RICTOR: variants seen among roughly 807,000 people sequenced by gnomAD.
The protein encoded by RICTOR is RPTOR independent companion of MTOR complex 2, also known as rapamycin-insensitive companion of mTOR.
In RICTOR, 49 loss-of-function variants were observed where a neutral mutation model predicts 214.9. The observed-to-expected ratio is 0.23, with a 90% CI of 0.18 to 0.29. RICTOR has a LOEUF of 0.29. Among genes scored for constraint, RICTOR ranks in the 10% least tolerant of loss-of-function variants. The pLI is 1.00. For synonymous variants in RICTOR, 717 were observed against 711.3 expected, an observed-to-expected ratio of 1.01 and a Z score of -0.13; for missense variants, 1,625 against 2,047.0, an observed-to-expected ratio of 0.79 and a Z score of 3.98.
chr5:39,011,301 C>A (rs1754498169), intron 3 of RICTOR, among the ~76,000 whole-genome samples: 2 of 152,188 alleles, frequency 1.3e-5, no homozygotes, highest in South Asian at 4.1e-4. Flanking sequence ...TGGGAACCTC[C>A]ATCTAGATTT....
At chr5:38,952,553 G>GAA in intron 29 of RICTOR, 128 bp from the exon 30 acceptor site, 4 of 403,370 alleles carry the variant, frequency 9.9e-6, no homozygotes, top group East Asian at 4.1e-5. Flanking sequence ...TGCGTTTGTG[G>GAA]AAAAAAAAAA....
intron 3 of RICTOR, among the ~76,000 whole-genome samples, chr5:39,006,861 T>C (rs1422638113): frequency 1.3e-5 from 2 of 151,970 alleles, no homozygotes; most frequent in Non-Finnish European, 2.9e-5. Context: ...ACACTGCTGA[T>C]ATTACAATAC....
At chr5:38,977,810 C>T (rs1751370310) in intron 9 of RICTOR, among the ~76,000 whole-genome samples, 1 of 152,014 alleles carries the variant, frequency 6.6e-6, no homozygotes, top group African/African-American at 2.4e-5. Flanking sequence ...TGGTCTCAAA[C>T]TCCTGACCTC....
chr5:39,058,533 G>A lies in RICTOR; in HGVS notation c.97+15578C>T, dbSNP rs1758336580. Among the ~76,000 whole-genome samples, 3 of 151,866 alleles carry A rather than the reference G, an allele frequency of 2.0e-5. No homozygotes were observed. In the South Asian group the frequency reaches 6.2e-4, roughly 32 times the overall value. On this transcript the variant is annotated intron_variant, in intron 2 of 37. Coordinates refer to ENST00000357387, the MANE Select transcript of RICTOR (RefSeq NM_152756.5). ...CGGAGTGGTATAAGACAGTTCTAAT[G>A]GTTCATTTTGAACTCTTAAAATAGA...
chr5:38,967,311 G>A (rs1750320999), intron 13 of RICTOR, 26 bp downstream of exon 13: 3 of 1,598,584 alleles, frequency 1.9e-6, no homozygotes, highest in East Asian at 2.2e-5. Context: ...CTAATAAATT[G>A]AAACCCTTTT....
chr5:38,972,079 T>C (rs2150042667), intron 10 of RICTOR, 120 bp from the exon 11 acceptor site: 2 of 562,372 alleles, frequency 3.6e-6, no homozygotes, highest in South Asian at 5.0e-5. Context: ...TATGATACTA[T>C]TTGGTCATCA....
At chr5:39,019,775 T>C (rs75609058) in intron 3 of RICTOR, among the ~76,000 whole-genome samples, 7,470 of 152,234 alleles carry the variant, frequency 0.049, 345 homozygotes, top group African/African-American at 0.12. Context: ...ATTTTCAAGT[T>C]TTATTTTAAT....
At chr5:39,066,824 A>C (rs1758939359) in intron 2 of RICTOR, among the ~76,000 whole-genome samples, 2 of 152,224 alleles carry the variant, frequency 1.3e-5, no homozygotes, top group Admixed American at 1.3e-4. Flanking sequence ...AAGCATAATG[A>C]GGGTGACCTT....
At chr5:38,971,996 G>A (rs1200427177) in intron 10 of RICTOR, 37 bp from the exon 11 acceptor site, 3 of 928,432 alleles carry the variant, frequency 3.2e-6, no homozygotes, top group Non-Finnish European at 5.1e-6. Context: ...TCACTGACAT[G>A]AATTTCAAAA....
chr5:38,994,609 C>A (rs1345837444), intron 6 of RICTOR, among the ~76,000 whole-genome samples: 26 of 152,052 alleles, frequency 1.7e-4, no homozygotes. Context: ...TATCCCACCA[C>A]CAAATATCAG....
rs1217144098 is a variant in RICTOR at position 38,941,611 on chromosome 5, G to C, written c.*693C>G. ...AGAACTGTAGTGAAAAACCTTAATTGGTTCATATATCCTGTAATAACACAT... is the reference window on the plus strand; with the variant it reads ...AGAACTGTAGTGAAAAACCTTAATTCGTTCATATATCCTGTAATAACACAT... On this transcript the variant is annotated 3_prime_UTR_variant, in exon 38 of 38. Transcript: ENST00000357387. 2.6e-5 allele frequency: 6 copies of C among 231,512 alleles called. No individual in the cohort carries two copies. Among genetic ancestry groups the C allele is most frequent in the Non-Finnish European group, 5.1e-5 (6 of 116,942 alleles). The allele number at this position is 231,512 out of a possible 1,614,324, so 14.3% of individuals were successfully genotyped here.
chr5:38,950,613 T>C lies in RICTOR; in HGVS notation c.3235A>G (p.Ile1079Val). 1.9e-6 allele frequency: 3 copies of C among 1,613,282 alleles called. No homozygotes were observed. The highest frequency in any genetic ancestry group is 2.5e-6 in the Non-Finnish European group (3 of 1,179,442). Residue 1079 changes from isoleucine to valine, a missense_variant, in exon 31 of 38, where the codon ATA (isoleucine) becomes GTA (valine). Physicochemically the swap from Ile to Val is conservative, Grantham distance 29 (BLOSUM62 3). This residue lies in a region of RICTOR where 1,214 missense variants were observed against 1,470.5 expected (regional missense o/e 0.83). Transcript: ENST00000357387. ...AAAGGGAATGAATTTTTATCCTTTA[T>C]GGGTCCAGATCGGTCATAAAATGTT... is the stretch of plus-strand genomic sequence containing the variant. Reference protein sequence around the residue: ...EPTFYDRSGPIKDKNSFPFFA... With the variant: ...EPTFYDRSGPVKDKNSFPFFA...
chr5:38,942,402 C>T (rs2112778750), intron 37 of RICTOR, 24 bp from the exon 38 acceptor site: 1 of 1,465,368 alleles, frequency 6.8e-7, no homozygotes, highest in Non-Finnish European at 9.5e-7. Flanking sequence ...GGTGTATCAT[C>T]AATTACTTTT....
intron 32 of RICTOR, 31 bp downstream of exon 32, chr5:38,947,233 C>G: frequency 6.5e-7 from 1 of 1,527,606 alleles, no homozygotes; most frequent in Non-Finnish European, 9.0e-7. Context: ...GAAACCAACT[C>G]ATAGGAAAAC....
At chr5:39,053,888 C>T (rs1460489171) in intron 2 of RICTOR, among the ~76,000 whole-genome samples, 1 of 127,790 alleles carries the variant, frequency 7.8e-6, no homozygotes, top group Non-Finnish European at 1.7e-5. Flanking sequence ...GAGACTCCGT[C>T]TCAAAAAAAA....
intron 2 of RICTOR, among the ~76,000 whole-genome samples, chr5:39,044,846 C>G (rs1757385645): frequency 1.3e-5 from 2 of 152,178 alleles, no homozygotes; most frequent in African/African-American, 4.8e-5. Flanking sequence ...GCACTATATT[C>G]ACGCAGTGCT....
chr5:38,942,507 A>G (rs1420596310), intron 37 of RICTOR, 129 bp from the exon 38 acceptor site: 6 of 495,226 alleles, frequency 1.2e-5, no homozygotes, highest in Non-Finnish European at 2.1e-5. Context: ...ATGCAGCACA[A>G]TGTTGCCATC....
intron 7 of RICTOR, among the ~76,000 whole-genome samples, chr5:38,988,133 A>G (rs548925224): frequency 6.6e-6 from 1 of 152,242 alleles, no homozygotes; most frequent in South Asian, 2.1e-4. Flanking sequence ...TATGTGGTCA[A>G]TTTTAAAGTA....
intron 7 of RICTOR, among the ~76,000 whole-genome samples, chr5:38,988,652 A>G (rs1026453955): frequency 1.9e-4 from 29 of 152,166 alleles, no homozygotes; most frequent in African/African-American, 3.4e-4. Flanking sequence ...TTAAGCTGAT[A>G]AGCAACTTCA....
Sources: allele counts gnomAD v4.1 joint callset (sites outside exome capture counted in the v4.1 genomes callset), GRCh38; gene constraint gnomAD v4.1.1; regional missense constraint gnomAD v4.1.1; transcripts MANE v1.5; gene names NCBI Gene and HGNC (gene_info 2026-07-23, HGNC 2026-07-21).